The following DLGAP2 variants were observed in gnomAD, a reference collection of about 807,000 sequenced individuals.
DLGAP2 encodes disks large-associated protein 2.
DLGAP2 carries 26 observed loss-of-function variants against 100.3 expected under a neutral mutation model. The ratio of observed to expected loss-of-function variants is 0.26; its 90% CI spans 0.19 to 0.36. The LOEUF (loss-of-function observed/expected upper bound fraction) is 0.36, where lower values mean the gene tolerates loss of function less well. DLGAP2 is among the 10% of genes least tolerant of loss of function. The probability of loss-of-function intolerance (pLI) is 1.00; values close to 1 mark genes in which losing one functional copy is unlikely to be tolerated. For missense variants in DLGAP2, 1,858 were observed against 1,453.2 expected (o/e 1.28, Z -4.53); for synonymous variants, 886 against 630.1 (o/e 1.41, Z -6.08).
intron 4 of DLGAP2, among the ~76,000 whole-genome samples, chr8:1,536,133 G>T (rs1248673342): frequency 6.6e-6 from 1 of 152,194 alleles, no homozygotes; most frequent in East Asian, 1.9e-4. Flanking sequence ...GGGGCACCCT[G>T]AGTATTCAGG....
intron 3 of DLGAP2, among the ~76,000 whole-genome samples, chr8:1,481,477 T>TTTTTTTTTTTTTTTTTTTTTTTG (rs1799093890): frequency 8.7e-6 from 1 of 114,982 alleles, no homozygotes; most frequent in Non-Finnish European, 1.6e-5. Context: ...TTTTCTTTTT[T>TTTTTTTTTTTTTTTTTTTTTTTG]TTTTTTTTTT....
chr8:760,252 T>G (rs1424683622), intron 1 of DLGAP2, among the ~76,000 whole-genome samples: 7 of 152,206 alleles, frequency 4.6e-5, no homozygotes, highest in Non-Finnish European at 8.8e-5. Context: ...TCTCCTCCCT[T>G]GCTGCCTGAT....
chr8:1,693,383 C>T (rs531518892), intron 13 of DLGAP2, among the ~76,000 whole-genome samples: 9 of 151,464 alleles, frequency 5.9e-5, no homozygotes, highest in African/African-American at 1.9e-4. Context: ...TGCCTACACA[C>T]ATACATGTAT....
intron 6 of DLGAP2, among the ~76,000 whole-genome samples, chr8:1,590,525 C>T (rs1796259744): frequency 6.6e-6 from 1 of 152,154 alleles, no homozygotes; most frequent in African/African-American, 2.4e-5. Flanking sequence ...TCAGCTGAAA[C>T]CTGATTTCCT....
At chr8:868,627 C>T (rs1405758858) in intron 1 of DLGAP2, among the ~76,000 whole-genome samples, 1 of 152,212 alleles carries the variant, frequency 6.6e-6, no homozygotes, top group Admixed American at 6.5e-5. Context: ...TTAGTGTCTG[C>T]CTCGCTGGAG....
intron 3 of DLGAP2, among the ~76,000 whole-genome samples, chr8:1,314,675 C>T (rs1800687906): frequency 6.6e-6 from 1 of 152,182 alleles, no homozygotes; most frequent in Admixed American, 6.5e-5. Context: ...CCGCCTGGGG[C>T]TGGGCTGCTG....
chr8:1,088,369 T>C (rs1804047124), intron 2 of DLGAP2, among the ~76,000 whole-genome samples: 1 of 141,382 alleles, frequency 7.1e-6, no homozygotes, highest in Non-Finnish European at 1.6e-5. Context: ...CAGGACTTTC[T>C]AAGCAAGGTG....
At chr8:1,182,761 T>G (rs17065746) in intron 2 of DLGAP2, among the ~76,000 whole-genome samples, 1 of 152,038 alleles carries the variant, frequency 6.6e-6, no homozygotes, top group African/African-American at 2.4e-5. Flanking sequence ...GCTCACACTA[T>G]CGAGTCCAGC....
At chr8:1,302,799 C>G (rs1166197383) in intron 3 of DLGAP2, among the ~76,000 whole-genome samples, 1 of 152,276 alleles carries the variant, frequency 6.6e-6, no homozygotes, top group African/African-American at 2.4e-5. Flanking sequence ...GAGCTTGGCT[C>G]TTCCCCTCGC....
chr8:1,345,270 T>C (rs371324585), intron 3 of DLGAP2, among the ~76,000 whole-genome samples: 2 of 63,400 alleles, frequency 3.2e-5, no homozygotes, highest in African/African-American at 4.3e-5. Flanking sequence ...GCGGTCTGTT[T>C]CTCTGCTTAA....
At chr8:1,379,380 C>T (rs10103800) in intron 3 of DLGAP2, among the ~76,000 whole-genome samples, 17,676 of 152,264 alleles carry the variant, frequency 0.12, 1,492 homozygotes, top group East Asian at 0.24. Flanking sequence ...GCACGTACGC[C>T]GACATCCCTT....
chr8:1,514,667 T>C (rs1439159232), intron 4 of DLGAP2, among the ~76,000 whole-genome samples: 1 of 152,220 alleles, frequency 6.6e-6, no homozygotes, highest in Non-Finnish European at 1.5e-5. Flanking sequence ...GCCTCTCTGC[T>C]GTCACCCCAT....
At chr8:1,213,066 T>C (rs1456136850) in intron 2 of DLGAP2, among the ~76,000 whole-genome samples, 4 of 152,138 alleles carry the variant, frequency 2.6e-5, no homozygotes, top group African/African-American at 9.7e-5. Context: ...GAACGGTGAG[T>C]ATCCAGCATC....
chr8:1,319,901 G>T (rs184169748), intron 3 of DLGAP2, among the ~76,000 whole-genome samples: 2 of 152,162 alleles, frequency 1.3e-5, no homozygotes, highest in African/African-American at 4.8e-5. Flanking sequence ...GGGAAGAGAC[G>T]GGGACGATGG....
At chr8:1,363,991 CCT>C (rs1438719967) in intron 3 of DLGAP2, among the ~76,000 whole-genome samples, 1 of 152,210 alleles carries the variant, frequency 6.6e-6, no homozygotes, top group Non-Finnish European at 1.5e-5. Context: ...AGCCCCTCAT[CCT>C]CTGTCAGGTG....
At chr8:1,414,770 A>G (rs962629987) in intron 3 of DLGAP2, among the ~76,000 whole-genome samples, 6 of 152,298 alleles carry the variant, frequency 3.9e-5, no homozygotes, top group Non-Finnish European at 8.8e-5. Flanking sequence ...ACACTTTCGG[A>G]GGCCAAGGTG....
At chr8:1,543,416 G>A (rs1335442360) in intron 4 of DLGAP2, among the ~76,000 whole-genome samples, 1 of 152,144 alleles carries the variant, frequency 6.6e-6, no homozygotes, top group Non-Finnish European at 1.5e-5. Flanking sequence ...TAGAAATTGG[G>A]TTATCCTAGC....
rs143617115 is a variant in DLGAP2 at position 910,192 on chromosome 8, A to T, written c.73+2226A>T. Among the ~76,000 whole-genome samples, 570 of 152,334 alleles carry T rather than the reference A, an allele frequency of 3.7e-3. 5 individuals are homozygous for T. Among genetic ancestry groups the T allele is most frequent in the African/African-American group, 0.013 (549 of 41,574 alleles). On this transcript the variant is annotated intron_variant, in intron 2 of 14. Coordinates refer to ENST00000637795, the MANE Select transcript of DLGAP2 (RefSeq NM_001346810.2). ...GCGGATTCTGCATTACGGGTGCTTG[A>T]CCACAATTAGAAAGAAGATTAACTT...
intron 2 of DLGAP2, among the ~76,000 whole-genome samples, chr8:955,235 C>T (rs2129008658): frequency 6.6e-6 from 1 of 152,242 alleles, no homozygotes; most frequent in South Asian, 2.1e-4. Flanking sequence ...AAACCACCTT[C>T]CCAGGTGCAC....
Sources: gnomAD v4.1 joint callset for allele counts (sites outside exome capture counted in the v4.1 genomes callset) on GRCh38, gnomAD v4.1.1 for gene constraint, MANE v1.5 for transcripts, NCBI Gene and HGNC (gene_info 2026-07-23, HGNC 2026-07-21) for gene names.